OC90: variants seen among roughly 807,000 people sequenced by gnomAD.
OC90 encodes the protein otoconin 90.
A neutral mutation model predicts 47.3 loss-of-function variants in OC90; 46 were observed. The observed-to-expected ratio is 0.97, with a 90% CI of 0.77 to 1.24. The LOEUF (loss-of-function observed/expected upper bound fraction) is 1.24. Among genes scored for constraint, OC90 ranks in the 50% most tolerant of loss-of-function variants. OC90 has a pLI of 0.00. For missense variants in OC90, 688 were observed against 583.9 expected (o/e 1.18, Z -1.84); for synonymous variants, 271 against 219.5 (o/e 1.23, Z -2.07).
chr8:132,028,196 C>T (rs887483321), intron 13 of OC90, among the ~76,000 whole-genome samples: 4 of 152,096 alleles, frequency 2.6e-5, no homozygotes, highest in Non-Finnish European at 4.4e-5. Context: ...TATGATAATA[C>T]GTGCCTCAAC....
At chr8:132,056,497 T>C (rs1823281347) in intron 1 of OC90, among the ~76,000 whole-genome samples, 1 of 152,220 alleles carries the variant, frequency 6.6e-6, no homozygotes, top group African/African-American at 2.4e-5. Flanking sequence ...TTGAGATTCT[T>C]ACTCAGCTCA....
At chr8:132,046,988 T>C (rs985935146) in intron 2 of OC90, among the ~76,000 whole-genome samples, 4 of 152,208 alleles carry the variant, frequency 2.6e-5, no homozygotes, top group African/African-American at 9.6e-5. Flanking sequence ...TGTGCATAGA[T>C]ATTTAGCAAG....
chr8:132,039,809 C>T (rs151283841), intron 6 of OC90, among the ~76,000 whole-genome samples: 17 of 152,262 alleles, frequency 1.1e-4, no homozygotes, highest in Admixed American at 6.5e-4. Flanking sequence ...AGGATGGCTT[C>T]CTGCCCATTC....
intron 11 of OC90, among the ~76,000 whole-genome samples, chr8:132,032,699 A>G (rs939472445): frequency 2.0e-5 from 3 of 152,106 alleles, no homozygotes; most frequent in Non-Finnish European, 4.4e-5. Context: ...ACAAAGGGGG[A>G]AGATGTTCAA....
rs1203882933 is a variant in OC90, at chr8:132,039,227, C to T, written c.458-104G>A. The T allele has an allele frequency of 2.0e-5, 25 of 1,255,624 alleles. 1 individual carries two copies. The highest frequency in any genetic ancestry group is 2.3e-6 in the Non-Finnish European group (2 of 887,816). The allele number at this position is 1,255,624 out of a possible 1,614,324, so 77.8% of individuals were successfully genotyped here. On this transcript the variant is annotated intron_variant, in intron 6 of 13. Coordinates refer to ENST00000254627, the MANE Select transcript of OC90 (RefSeq NM_001080399.3). The stretch of plus-strand genomic sequence containing the variant: ...TTCCTCATCTCCCCTGCCAAAAATC[C>T]CACTCCCCTTGCAATCTCCATCTCA...
At chr8:132,048,095 C>T (rs1563733744) in intron 2 of OC90, among the ~76,000 whole-genome samples, 2 of 152,212 alleles carry the variant, frequency 1.3e-5, no homozygotes, top group African/African-American at 2.4e-5. Flanking sequence ...TCACCAGACA[C>T]TGAATCATCT....
intron 12 of OC90, 138 bp from the exon 13 acceptor site, chr8:132,029,317 C>A: frequency 1.5e-6 from 1 of 665,736 alleles, no homozygotes; most frequent in Non-Finnish European, 2.6e-6. Context: ...ACAGGGCTGA[C>A]TCATATACAC....
rs796395043 is a variant in OC90, at chr8:132,038,458, G to A, written c.628+332C>T. Among the ~76,000 whole-genome samples, 8 of 152,264 alleles carry A rather than the reference G, an allele frequency of 5.3e-5. 1 individual carries two copies. The highest frequency in any genetic ancestry group is 1.4e-4 in the African/African-American group (6 of 41,548). Reference sequence around the variant, plus strand: ...AGACTTCACTCCACCTGAGCACTACGTCTTGTCCCAGTCACACTACATACC... The same window carrying A: ...AGACTTCACTCCACCTGAGCACTACATCTTGTCCCAGTCACACTACATACC... On this transcript the variant is annotated intron_variant, in intron 8 of 13. Transcript: ENST00000254627.
Position 132,032,181 on chromosome 8 carries a change from G to A in OC90, c.860-129C>T, listed in dbSNP as rs559185276. On this transcript the variant is annotated intron_variant, in intron 11 of 13. Coordinates refer to ENST00000254627, the MANE Select transcript of OC90 (RefSeq NM_001080399.3). ...TGCAAAGGAACCCCATGTCTTACTCGTTGGCTCACCATTCTTCTGGGAAAG... is the reference window on the plus strand; with the variant it reads ...TGCAAAGGAACCCCATGTCTTACTCATTGGCTCACCATTCTTCTGGGAAAG... 1.4e-4 allele frequency: 110 copies of A among 774,964 alleles called. 1 individual carries two copies. Among genetic ancestry groups the A allele is most frequent in the South Asian group, 1.7e-4 (10 of 57,914 alleles). The allele number at this position is 774,964 out of a possible 1,614,324, so 48.0% of individuals were successfully genotyped here.
At chr8:132,050,323 G>A (rs573661488) in intron 2 of OC90, among the ~76,000 whole-genome samples, 7 of 152,242 alleles carry the variant, frequency 4.6e-5, no homozygotes, top group African/African-American at 1.4e-4. Flanking sequence ...GCACAGTGAC[G>A]GTGGAGTCAT....
At chr8:132,045,904 G>A in intron 2 of OC90, 21 bp from the exon 3 acceptor site, 1 of 1,431,058 alleles carries the variant, frequency 7.0e-7, no homozygotes, top group Admixed American at 2.0e-5. Flanking sequence ...GGAAGAGAAA[G>A]TAGGGTAAGC....
At chr8:132,027,301 T>C (rs1347287326) in intron 13 of OC90, among the ~76,000 whole-genome samples, 1 of 152,144 alleles carries the variant, frequency 6.6e-6, no homozygotes, top group East Asian at 1.9e-4. Flanking sequence ...GTTTGTTGGT[T>C]AAGTGGATAA....
rs778376855 is a variant in OC90, at chr8:132,029,105, G to A, written c.1106C>T (p.Ser369Leu). ...LGCLLERLPW[S>L]PVVCVDHTPK... ...CGTATGATCCACACACACCACCGGT[G>A]ACCAAGGAAGCCTCTCAAGCAGGCA... The change falls in exon 13 of 14, where the codon TCA becomes TTA. Residue 369 changes from serine to leucine, a missense_variant. Transcript: ENST00000254627. The A allele has an allele frequency of 6.2e-6, 10 of 1,613,860 alleles. No homozygotes were observed. In the East Asian group the frequency reaches 1.8e-4, roughly 29 times the overall value.
chr8:132,028,120 G>T (rs537333336), intron 13 of OC90, among the ~76,000 whole-genome samples: 1 of 152,264 alleles, frequency 6.6e-6, no homozygotes, highest in East Asian at 1.9e-4. Flanking sequence ...CAGCCTGCTC[G>T]TCACCGGCCC....
In OC90 at chr8:132,029,146, T is replaced by C. The variant is rs763595753; in HGVS notation, c.1065A>G (p.Gln355=). The C allele has an allele frequency of 5.0e-6, 8 of 1,613,908 alleles. No homozygotes were observed. The South Asian group carries it at 7.7e-5, about 16-fold the overall frequency. ...CAAGCAGGCAGCCCAGCCTTCTCAC[T>C]TGCTCTAGGCAGCAGTGATGGGACA... The part of the protein sequence containing the change: ...CCLSHHCCLE[Q]VRRLGCLLER... Residue 355 remains glutamine, a synonymous_variant, in exon 13 of 14, where the codon CAA becomes CAG. Transcript: ENST00000254627.
chr8:132,033,895 G>A (rs948431240), intron 10 of OC90, among the ~76,000 whole-genome samples: 12 of 152,216 alleles, frequency 7.9e-5, no homozygotes, highest in African/African-American at 2.9e-4. Flanking sequence ...AGTTCCTGGA[G>A]TATTGGGTAA....
chr8:132,033,477 G>A (rs1017058524), intron 10 of OC90, among the ~76,000 whole-genome samples: 1 of 152,166 alleles, frequency 6.6e-6, no homozygotes, highest in South Asian at 2.1e-4. Flanking sequence ...CCCAGTGAAG[G>A]GGCATTATGG....
At chr8:132,051,346 C>A (rs1823210155) in intron 2 of OC90, among the ~76,000 whole-genome samples, 1 of 152,226 alleles carries the variant, frequency 6.6e-6, no homozygotes, top group African/African-American at 2.4e-5. Context: ...AACTCCTATC[C>A]AATTCCTGCC....
At chr8:132,040,974 T>G in intron 6 of OC90, 70 bp downstream of exon 6, 1 of 922,156 alleles carries the variant, frequency 1.1e-6, no homozygotes. Flanking sequence ...GCCCTCAGCC[T>G]GGTCCAGGCT....
Sources: gnomAD v4.1 joint callset for allele counts (sites outside exome capture counted in the v4.1 genomes callset) on GRCh38, gnomAD v4.1.1 for gene constraint, MANE v1.5 for transcripts, NCBI Gene and HGNC (gene_info 2026-07-23, HGNC 2026-07-21) for gene names.